The following MAMDC2 variants were observed in gnomAD, a reference collection of about 807,000 sequenced individuals.
The protein encoded by MAMDC2 is MAM domain containing 2, also known as MAM domain-containing protein 2.
Under a neutral mutation model 89.8 loss-of-function variants are expected in MAMDC2, and 57 were observed. The observed-to-expected ratio is 0.63, with a 90% confidence interval of 0.51 to 0.79. The LOEUF is 0.79. Ranked by LOEUF, MAMDC2 falls within the 30% of genes least tolerant of loss-of-function variation. The pLI is 0.00. For synonymous variants in MAMDC2, 313 were observed against 293.4 expected (o/e 1.07, Z -0.68); for missense variants, 800 against 820.6 (o/e 0.97, Z 0.31).
chr9:70,112,546 T>A (rs1828538348), intron 4 of MAMDC2, among the ~76,000 whole-genome samples: 1 of 151,688 alleles, frequency 6.6e-6, no homozygotes, highest in Non-Finnish European at 1.5e-5. Flanking sequence ...GTGGAAAAAA[T>A]TTTCTAGAGC....
chr9:70,140,025 G>C (rs528690214), intron 7 of MAMDC2, 120 bp from the exon 8 acceptor site: 3 of 985,810 alleles, frequency 3.0e-6, no homozygotes, highest in Non-Finnish European at 4.2e-6. Context: ...ATATTTAGTT[G>C]TGTTTTACTT....
In MAMDC2 at chr9:70,222,056, G is replaced by A. The variant is rs114112059; in HGVS notation, c.1911+3460G>A. Among the ~76,000 whole-genome samples, 392 of 152,316 alleles carry A rather than the reference G, an allele frequency of 2.6e-3. 1 individual carries two copies. Among genetic ancestry groups the A allele is most frequent in the African/African-American group, 9.0e-3 (375 of 41,570 alleles). ...GCTGCTGCAGTAGCCCTGGCAAGAG[G>A]AGTGATGGCTTAGGCTATGCAGCAG... On this transcript the variant is annotated intron_variant, in intron 12 of 13. Transcript: ENST00000377182.
chr9:70,123,444 C>T (rs558493330), intron 5 of MAMDC2, among the ~76,000 whole-genome samples: 5 of 152,120 alleles, frequency 3.3e-5, no homozygotes, highest in Non-Finnish European at 7.3e-5. Context: ...CCGATTCTTC[C>T]TTTAAAATTC....
intron 2 of MAMDC2, among the ~76,000 whole-genome samples, chr9:70,064,884 T>C (rs1269996154): frequency 6.6e-6 from 1 of 152,188 alleles, no homozygotes; most frequent in African/African-American, 2.4e-5. Flanking sequence ...CCTGGGTTAG[T>C]AGTTTGTCTA....
intron 8 of MAMDC2, among the ~76,000 whole-genome samples, chr9:70,140,496 C>T (rs2031176229): frequency 6.6e-6 from 1 of 152,184 alleles, no homozygotes; most frequent in Non-Finnish European, 1.5e-5. Flanking sequence ...GTTAATTAAA[C>T]AGGCAAATCC....
Position 70,198,135 on chromosome 9 carries a change from A to G in MAMDC2, c.1652-20202A>G, listed in dbSNP as rs1282086392. 4.1e-5 allele frequency among the ~76,000 whole-genome samples: 6 copies of G among 147,844 alleles called. No individual in the cohort carries two copies. In the Admixed American group the frequency reaches 4.1e-4, roughly 10 times the overall value. ...AAACTTTATTATAAGTACATAGTAT[A>G]GAAAAAAGCATAGTGTGTATGTGTG... is the stretch of plus-strand genomic sequence containing the variant. On this transcript the variant is annotated intron_variant, in intron 11 of 13. Transcript: ENST00000377182.
In MAMDC2 at chr9:70,136,554, G is replaced by A. The variant is rs541032100; in HGVS notation, c.995-3591G>A. Among the ~76,000 whole-genome samples, 13 of 152,172 alleles carry A rather than the reference G, an allele frequency of 8.5e-5. No individual in the cohort carries two copies. In the East Asian group the frequency reaches 2.5e-3, roughly 29 times the overall value. On this transcript the variant is annotated intron_variant, in intron 7 of 13. Coordinates refer to ENST00000377182, the MANE Select transcript of MAMDC2 (RefSeq NM_153267.5). ...CCCCTCCCACACATCTAATAACTGA[G>A]TTAAGATTCTCTTGCAGTCGCCCAA...
intron 5 of MAMDC2, among the ~76,000 whole-genome samples, chr9:70,117,231 T>C (rs371441273): frequency 6.6e-6 from 1 of 152,066 alleles, no homozygotes; most frequent in African/African-American, 2.4e-5. Context: ...CCTGGTGACA[T>C]AAAAAAAGTC....
At chr9:70,090,469 G>A (rs536604965) in intron 2 of MAMDC2, 1 of 131,816 alleles carries the variant, frequency 7.6e-6, no homozygotes, top group Non-Finnish European at 1.5e-5. Flanking sequence ...GGGTGACAGA[G>A]CAAGACTCTG....
rs538060026 is a variant in MAMDC2, at chr9:70,077,755, C to T, written c.149-30456C>T. Among the ~76,000 whole-genome samples, 31 of 152,238 alleles carry T rather than the reference C, an allele frequency of 2.0e-4. 2 individuals carry two copies. In the South Asian group the frequency reaches 5.8e-3, roughly 29 times the overall value. ...TTTGGATGTTCTGAGGGGTGCAGGCCATTTGGACTTTCTTATTGGTTTTCA... is the reference window on the plus strand; with the variant it reads ...TTTGGATGTTCTGAGGGGTGCAGGCTATTTGGACTTTCTTATTGGTTTTCA... On this transcript the variant is annotated intron_variant, in intron 2 of 13. Transcript: ENST00000377182.
chr9:70,135,136 G>A (rs1199322577), intron 7 of MAMDC2, among the ~76,000 whole-genome samples: 1 of 152,220 alleles, frequency 6.6e-6, no homozygotes, highest in Non-Finnish European at 1.5e-5. Context: ...CAGAAAGCAA[G>A]TAATTAACTA....
intron 9 of MAMDC2, among the ~76,000 whole-genome samples, chr9:70,159,855 T>G (rs1476128871): frequency 2.0e-5 from 3 of 152,178 alleles, no homozygotes; most frequent in Non-Finnish European, 4.4e-5. Context: ...AACCACATTG[T>G]ATTTTTAGCC....
chr9:70,226,492 C>A lies in MAMDC2; in HGVS notation c.*460C>A, dbSNP rs1424185569. The A allele has an allele frequency of 6.6e-6, 1 of 152,504 alleles. No individual in the cohort carries two copies. The highest frequency in any genetic ancestry group is 1.5e-5 in the Non-Finnish European group (1 of 68,008). The allele number at this position is 152,504 out of a possible 1,614,324, so 9.4% of individuals were successfully genotyped here. ...GTAATATCTGCAGAATGAATGCAGT[C>A]TTTCATGCTAATGAGTTAGTCTGGA... On this transcript the variant is annotated 3_prime_UTR_variant, in exon 14 of 14. Coordinates refer to ENST00000377182, the MANE Select transcript of MAMDC2 (RefSeq NM_153267.5).
chr9:70,188,592 G>A (rs1348104069), intron 11 of MAMDC2: 2 of 151,698 alleles, frequency 1.3e-5, no homozygotes, highest in African/African-American at 2.4e-5. Context: ...CATTCCTGGA[G>A]GTACTGCAAT....
intron 1 of MAMDC2, 131 bp from the exon 2 acceptor site, chr9:70,044,453 A>C: frequency 2.4e-6 from 2 of 835,534 alleles, no homozygotes; most frequent in Non-Finnish European, 3.8e-6. Flanking sequence ...GGGGACAGGT[A>C]CTGCATCCCT....
In MAMDC2 at chr9:70,076,692, T is replaced by C. The variant is rs141779207; in HGVS notation, c.149-31519T>C. Reference sequence around the variant, plus strand: ...AGGATTGGTGCTCTTCTTCCGACTCTGTATGATGCCTCTCTCCTCTTGAAT... The same window carrying C: ...AGGATTGGTGCTCTTCTTCCGACTCCGTATGATGCCTCTCTCCTCTTGAAT... On this transcript the variant is annotated intron_variant, in intron 2 of 13. Coordinates refer to ENST00000377182, the MANE Select transcript of MAMDC2 (RefSeq NM_153267.5). Among the ~76,000 whole-genome samples, 5 of 152,308 alleles carry C rather than the reference T, an allele frequency of 3.3e-5. No individual in the cohort carries two copies. The East Asian group carries it at 9.7e-4, about 29-fold the overall frequency.
At chr9:70,144,258 G>A (rs1730745144) in intron 9 of MAMDC2, among the ~76,000 whole-genome samples, 2 of 152,118 alleles carry the variant, frequency 1.3e-5, no homozygotes, top group Admixed American at 1.3e-4. Flanking sequence ...GAGGCTTTAA[G>A]GTTAACAACC....
At chr9:70,057,452 CT>C (rs1042874782) in intron 2 of MAMDC2, among the ~76,000 whole-genome samples, 2 of 152,154 alleles carry the variant, frequency 1.3e-5, no homozygotes, top group African/African-American at 4.8e-5. Flanking sequence ...CTTCTTGTCT[CT>C]CCACAAACTC....
intron 2 of MAMDC2, among the ~76,000 whole-genome samples, chr9:70,100,996 AT>A (rs1287817164): frequency 6.6e-6 from 1 of 152,248 alleles, no homozygotes; most frequent in Non-Finnish European, 1.5e-5. Flanking sequence ...GCACTGCATA[AT>A]GTTTTGATCA....
Sources: gnomAD v4.1 joint callset for allele counts (sites outside exome capture counted in the v4.1 genomes callset) on GRCh38, gnomAD v4.1.1 for gene constraint, MANE v1.5 for transcripts, NCBI Gene and HGNC (gene_info 2026-07-23, HGNC 2026-07-21) for gene names.